ADGRV1: variants seen among roughly 807,000 people sequenced by gnomAD.
ADGRV1 encodes adhesion G protein-coupled receptor V1, also known as G-protein coupled receptor 98.
A neutral mutation model predicts 596.2 loss-of-function variants in ADGRV1; 359 were observed. That is an observed-to-expected ratio of 0.60 (90% CI 0.55 to 0.66). The LOEUF (loss-of-function observed/expected upper bound fraction) is 0.66, where lower values mean the gene tolerates loss of function less well. ADGRV1 is among the 30% of genes least tolerant of loss of function. ADGRV1 has a pLI of 0.00. For synonymous variants in ADGRV1, 2,681 were observed against 2,679.2 expected (o/e 1.00, Z -0.02); for missense variants, 7,274 against 7,575.6 (o/e 0.96, Z 1.48).
At chr5:91,006,330 G>A (rs552962045) in intron 85 of ADGRV1, among the ~76,000 whole-genome samples, 1 of 152,150 alleles carries the variant, frequency 6.6e-6, no homozygotes, top group South Asian at 2.1e-4. Context: ...GTACAAAATT[G>A]CAAATCCAAA....
chr5:91,157,945 G>A (rs894632320), intron 89 of ADGRV1, among the ~76,000 whole-genome samples: 23 of 152,128 alleles, frequency 1.5e-4, no homozygotes, highest in African/African-American at 5.1e-4. Context: ...GACCTGGAGC[G>A]ATGTGCAACA....
At chr5:91,077,336 C>T (rs1392135816) in intron 86 of ADGRV1, among the ~76,000 whole-genome samples, 1 of 152,172 alleles carries the variant, frequency 6.6e-6, no homozygotes, top group Non-Finnish European at 1.5e-5. Context: ...GAGCTCCAAG[C>T]TAATCACTCT....
At chr5:91,017,981 T>C (rs1783312142) in intron 85 of ADGRV1, among the ~76,000 whole-genome samples, 1 of 152,010 alleles carries the variant, frequency 6.6e-6, no homozygotes, top group African/African-American at 2.4e-5. Context: ...GTATATATGA[T>C]ATTCTGAAAG....
intron 87 of ADGRV1, among the ~76,000 whole-genome samples, chr5:91,138,671 G>A (rs376013322): frequency 6.6e-6 from 1 of 151,840 alleles, no homozygotes; most frequent in Non-Finnish European, 1.5e-5. Context: ...TTATCTCAAA[G>A]CCATAAATGC....
Position 90,676,138 on chromosome 5 carries a change from A to G in ADGRV1, c.5372A>G (p.Asn1791Ser). 3 of 1,605,806 alleles carry G rather than the reference A, an allele frequency of 1.9e-6. No individual in the cohort carries two copies. The highest frequency in any genetic ancestry group is 2.6e-6 in the Non-Finnish European group (3 of 1,174,856). ...GAAAGATATAAATACATTTTCATAAACATCACTGATAATTCTATTCCTGAA... is the reference window on the plus strand; with the variant it reads ...GAAAGATATAAATACATTTTCATAAGCATCACTGATAATTCTATTCCTGAA... Reference protein sequence around the residue: ...PGERYKYIFINITDNSIPELE... With the variant: ...PGERYKYIFISITDNSIPELE... The change falls in exon 25 of 90, where the codon AAC (asparagine) becomes AGC (serine). Residue 1791 changes from asparagine to serine, a missense_variant. Transcript: ENST00000405460.
chr5:90,726,214 T>C (rs1475930467), intron 48 of ADGRV1, among the ~76,000 whole-genome samples: 1 of 152,194 alleles, frequency 6.6e-6, no homozygotes, highest in African/African-American at 2.4e-5. Context: ...TAGTCCTCAT[T>C]CCTGCTACGA....
chr5:90,757,218 G>A lies in ADGRV1; in HGVS notation c.11940+57G>A, dbSNP rs927231219. ...GAGTTGTGCTTCAGACATTTTGTAG[G>A]CATCCATCAAATGAATGTACATTGG... On this transcript the variant is annotated intron_variant, in intron 57 of 89. Transcript: ENST00000405460. 1.4e-5 allele frequency: 20 copies of A among 1,443,046 alleles called. No individual in the cohort carries two copies. In the African/African-American group the frequency reaches 2.5e-4, roughly 18 times the overall value. 89.4% of individuals were successfully genotyped at this position (1,443,046 alleles called of 1,614,324 possible). A position where few individuals can be genotyped will look rare whatever the true frequency, so the allele number is the denominator to read the frequency against.
intron 50 of ADGRV1, among the ~76,000 whole-genome samples, chr5:90,738,643 T>A (rs1205262704): frequency 6.6e-6 from 1 of 152,216 alleles, no homozygotes; most frequent in Non-Finnish European, 1.5e-5. Flanking sequence ...TACTCTCTCA[T>A]GGTCTGCAGG....
chr5:91,090,990 ATGTAAAATGCATT>A (rs1790334864), intron 86 of ADGRV1, among the ~76,000 whole-genome samples: 1 of 152,132 alleles, frequency 6.6e-6, no homozygotes, highest in African/African-American at 2.4e-5. Context: ...TGTAGTTCAC[ATGTAAAATGCATT>A]TCTCACCGTG....
chr5:90,743,717 T>C (rs1469975448), intron 50 of ADGRV1, among the ~76,000 whole-genome samples: 2 of 152,100 alleles, frequency 1.3e-5, no homozygotes, highest in Non-Finnish European at 2.9e-5. Flanking sequence ...GTGATCTTCC[T>C]GCCTCTGCCT....
chr5:90,654,749 G>A (rs998941765), intron 20 of ADGRV1: 1 of 151,880 alleles, frequency 6.6e-6, no homozygotes, highest in Non-Finnish European at 1.5e-5. Flanking sequence ...TTTCCCAGAG[G>A]GGGAAAAAAA....
At chr5:91,080,602 A>AAAAAC (rs1450147506) in intron 86 of ADGRV1, among the ~76,000 whole-genome samples, 70 of 151,768 alleles carry the variant, frequency 4.6e-4, no homozygotes, top group African/African-American at 1.6e-3. Flanking sequence ...AAAAAAAAAA[A>AAAAAC]AAAAAAAAAC....
At chr5:90,696,748 T>C (rs1055439312) in intron 33 of ADGRV1, among the ~76,000 whole-genome samples, 189 bp from the exon 34 acceptor site, 1 of 151,684 alleles carries the variant, frequency 6.6e-6, no homozygotes, top group Non-Finnish European at 1.5e-5. Flanking sequence ...AATTTTACAG[T>C]GTTTGATATG....
chr5:90,919,743 C>T (rs1773703992), intron 83 of ADGRV1, among the ~76,000 whole-genome samples: 1 of 151,938 alleles, frequency 6.6e-6, no homozygotes, highest in African/African-American at 2.4e-5. Flanking sequence ...ACCTGTAATC[C>T]CAGCACTTTG....
intron 87 of ADGRV1, among the ~76,000 whole-genome samples, chr5:91,136,742 A>T (rs1030178245): frequency 3.3e-5 from 5 of 152,360 alleles, no homozygotes; most frequent in Admixed American, 1.3e-4. Flanking sequence ...ATGTAGTTAC[A>T]CATAATGATA....
At chr5:90,600,589 A>T (rs1293503299) in intron 1 of ADGRV1, among the ~76,000 whole-genome samples, 1 of 152,090 alleles carries the variant, frequency 6.6e-6, no homozygotes, top group Non-Finnish European at 1.5e-5. Context: ...AGTTTTTGCT[A>T]TTGTGAATAG....
At chr5:91,150,273 C>G (rs377221780) in intron 88 of ADGRV1, 52 bp downstream of exon 88, 30 of 1,317,716 alleles carry the variant, frequency 2.3e-5, no homozygotes, top group Non-Finnish European at 2.8e-5. Flanking sequence ...GTCTCTCTCT[C>G]TCTCTCTGTC....
chr5:90,902,120 A>G (rs1771906099), intron 83 of ADGRV1, among the ~76,000 whole-genome samples: 1 of 152,118 alleles, frequency 6.6e-6, no homozygotes, highest in African/African-American at 2.4e-5. Flanking sequence ...TAAGGAAAAG[A>G]AAGGAGTCAA....
intron 83 of ADGRV1, among the ~76,000 whole-genome samples, chr5:90,961,506 A>AAAG (rs1778019136): frequency 9.6e-6 from 1 of 103,754 alleles, no homozygotes; most frequent in Non-Finnish European, 1.8e-5. Context: ...AAAAAAAAAA[A>AAAG]AGGGGGGGTG....
Sources: allele counts gnomAD v4.1 joint callset (sites outside exome capture counted in the v4.1 genomes callset), GRCh38; gene constraint gnomAD v4.1.1; transcripts MANE v1.5; gene names NCBI Gene and HGNC (gene_info 2026-07-23, HGNC 2026-07-21).